The following TENM3 variants were observed in gnomAD, a reference collection of about 807,000 sequenced individuals.
TENM3 encodes the protein teneurin transmembrane protein 3, also known as teneurin-3.
In TENM3, 63 loss-of-function variants were observed where a neutral mutation model predicts 255.1. The ratio of observed to expected loss-of-function variants is 0.25; its 90% CI spans 0.20 to 0.30. The LOEUF is 0.30. TENM3 is among the 10% of genes least tolerant of loss of function. The pLI, the probability that TENM3 is intolerant of heterozygous loss-of-function variation, is 1.00. For missense variants in TENM3, 2,929 were observed against 3,461.1 expected, an observed-to-expected ratio of 0.85 and a Z score of 3.86; for synonymous variants, 1,306 against 1,322.3, an observed-to-expected ratio of 0.99 and a Z score of 0.27.
the TENM3 span, among the ~76,000 whole-genome samples, chr4:181,692,409 T>G: frequency 9.2e-5 from 14 of 152,192 alleles, no homozygotes; most frequent in Non-Finnish European, 2.1e-4. Context: ...TCTAGGATTT[T>G]AAATTGTAGT....
At chr4:182,267,193 T>C (rs977983242) in intron 1 of TENM3, among the ~76,000 whole-genome samples, 1 of 152,224 alleles carries the variant, frequency 6.6e-6, no homozygotes, top group African/African-American at 2.4e-5. Flanking sequence ...AAAACTTTTC[T>C]TTTGAGTTAT....
At chr4:181,840,580 T>G in the TENM3 span, among the ~76,000 whole-genome samples, 1 of 152,120 alleles carries the variant, frequency 6.6e-6, no homozygotes, top group Admixed American at 6.5e-5. Flanking sequence ...AACTATGAAT[T>G]ACTAGGGTAC....
At chr4:181,689,943 T>G in the TENM3 span, among the ~76,000 whole-genome samples, 1 of 152,062 alleles carries the variant, frequency 6.6e-6, no homozygotes, top group African/African-American at 2.4e-5. Context: ...AATTTGCTAG[T>G]AAGAGAAGGG....
chr4:182,517,758 A>C (rs1342787128), intron 3 of TENM3, among the ~76,000 whole-genome samples: 1 of 152,202 alleles, frequency 6.6e-6, no homozygotes, highest in African/African-American at 2.4e-5. Context: ...AAGTTTAGCC[A>C]ATTTTTATAC....
chr4:181,709,506 C>T, the TENM3 span, among the ~76,000 whole-genome samples: 381 of 152,288 alleles, frequency 2.5e-3, 1 homozygote, highest in Non-Finnish European at 4.5e-3. Flanking sequence ...TAGTGAACAA[C>T]GACTGAGTAA....
chr4:181,501,582 G>T, the TENM3 span, among the ~76,000 whole-genome samples: 5 of 151,936 alleles, frequency 3.3e-5, no homozygotes, highest in African/African-American at 1.2e-4. Flanking sequence ...GTTTCACTAG[G>T]TTGGCCAGGC....
the TENM3 span, among the ~76,000 whole-genome samples, chr4:182,111,687 A>T: frequency 6.6e-6 from 1 of 152,140 alleles, no homozygotes; most frequent in East Asian, 1.9e-4. Context: ...CAGTTTCCCC[A>T]TTTCAAGGAA....
chr4:182,138,866 G>A, the TENM3 span, among the ~76,000 whole-genome samples: 2 of 152,168 alleles, frequency 1.3e-5, no homozygotes, highest in African/African-American at 4.8e-5. Flanking sequence ...AAAGTGGTTC[G>A]TTGTAATGAC....
intron 1 of TENM3, among the ~76,000 whole-genome samples, chr4:182,149,306 A>T (rs1750172222): frequency 1.3e-5 from 2 of 152,016 alleles, no homozygotes; most frequent in South Asian, 4.1e-4. Flanking sequence ...ACATGCCCTG[A>T]GATACACAGA....
chr4:181,870,511 T>C, the TENM3 span, among the ~76,000 whole-genome samples: 1 of 152,184 alleles, frequency 6.6e-6, no homozygotes. Context: ...TCACTGTGGC[T>C]TTAGTTTACA....
chr4:182,161,275 G>C (rs1751142329), intron 1 of TENM3, among the ~76,000 whole-genome samples: 1 of 139,350 alleles, frequency 7.2e-6, no homozygotes, highest in African/African-American at 2.7e-5. Context: ...AATTAGCCGG[G>C]CGTGGTGGCG....
chr4:182,731,433 A>C (rs1453947354), intron 16 of TENM3, among the ~76,000 whole-genome samples: 3 of 151,134 alleles, frequency 2.0e-5, no homozygotes, highest in South Asian at 4.2e-4. Context: ...GCTTGAACCC[A>C]GGAGGCAGAG....
chr4:181,664,485 A>AG, the TENM3 span, among the ~76,000 whole-genome samples: 1 of 125,438 alleles, frequency 8.0e-6, no homozygotes, highest in Non-Finnish European at 1.8e-5. Context: ...ATAAAAAAAA[A>AG]CAAAACAAAA....
chr4:182,067,707 A>G, the TENM3 span, among the ~76,000 whole-genome samples: 8 of 152,172 alleles, frequency 5.3e-5, no homozygotes, highest in Non-Finnish European at 1.2e-4. Context: ...TGATTTCTCC[A>G]AGGCCCTTCA....
the TENM3 span, among the ~76,000 whole-genome samples, chr4:182,069,875 C>A: frequency 1.3e-5 from 2 of 152,120 alleles, no homozygotes; most frequent in Non-Finnish European, 2.9e-5. Context: ...GTAAGGACAG[C>A]CAGTTAAACA....
At chr4:181,709,763 G>T in the TENM3 span, among the ~76,000 whole-genome samples, 1 of 152,334 alleles carries the variant, frequency 6.6e-6, no homozygotes, top group Admixed American at 6.5e-5. Context: ...AGACATTAGC[G>T]CAGATAAGGT....
intron 1 of TENM3, among the ~76,000 whole-genome samples, chr4:182,181,742 A>G (rs1463282217): frequency 6.6e-6 from 1 of 152,186 alleles, no homozygotes; most frequent in Non-Finnish European, 1.5e-5. Context: ...TAGGTATTAT[A>G]TGTTGTTAGA....
the TENM3 span, among the ~76,000 whole-genome samples, chr4:181,575,124 C>A: frequency 2.6e-5 from 4 of 152,248 alleles, no homozygotes; most frequent in Admixed American, 6.5e-5. Flanking sequence ...TAATTCCACT[C>A]TCCACAGTCC....
chr4:182,134,088 ATAGT>A, the TENM3 span, among the ~76,000 whole-genome samples: 10,502 of 152,204 alleles, frequency 0.069, 453 homozygotes, highest in East Asian at 0.15. Flanking sequence ...GTTACCATAG[ATAGT>A]TAGAGCATAT....
Sources: gnomAD v4.1 joint callset for allele counts (sites outside exome capture counted in the v4.1 genomes callset) on GRCh38, gnomAD v4.1.1 for gene constraint, MANE v1.5 for transcripts, NCBI Gene and HGNC (gene_info 2026-07-23, HGNC 2026-07-21) for gene names.